TRAK1: variants seen among roughly 807,000 people sequenced by gnomAD.
TRAK1 encodes trafficking kinesin-binding protein 1.
TRAK1 carries 33 observed loss-of-function variants against 92.1 expected under a neutral mutation model. That is an observed-to-expected ratio of 0.36 (90% CI 0.27 to 0.48). The LOEUF is 0.48. Among genes scored for constraint, TRAK1 ranks in the 20% least tolerant of loss-of-function variants. The pLI is 0.99. For missense variants in TRAK1, 1,123 were observed against 1,257.9 expected, an observed-to-expected ratio of 0.89 and a Z score of 1.62; for synonymous variants, 521 against 517.3, an observed-to-expected ratio of 1.01 and a Z score of -0.10.
intron 2 of TRAK1, among the ~76,000 whole-genome samples, chr3:42,162,077 A>G (rs1701338006): frequency 6.6e-6 from 1 of 152,212 alleles, no homozygotes; most frequent in South Asian, 2.1e-4. Flanking sequence ...AGATGTCCAG[A>G]TGATGGGCAC....
chr3:42,096,277 G>A (rs935720008), intron 1 of TRAK1, among the ~76,000 whole-genome samples: 3 of 151,868 alleles, frequency 2.0e-5, no homozygotes, highest in African/African-American at 4.8e-5. Context: ...TTTTGAGATG[G>A]AGTCTTGCTC....
chr3:42,103,573 T>C (rs940124214), intron 1 of TRAK1, among the ~76,000 whole-genome samples: 1 of 152,226 alleles, frequency 6.6e-6, no homozygotes, highest in Admixed American at 6.5e-5. Context: ...GGGATCGTTC[T>C]TGAGTGGTCA....
At chr3:42,119,831 A>C (rs1231191061) in intron 1 of TRAK1, among the ~76,000 whole-genome samples, 1 of 152,190 alleles carries the variant, frequency 6.6e-6, no homozygotes, top group Non-Finnish European at 1.5e-5. Context: ...AAAAGGAAGA[A>C]GTGGCAATTG....
intron 1 of TRAK1, among the ~76,000 whole-genome samples, chr3:42,104,670 A>G (rs938447764): frequency 2.0e-5 from 3 of 152,220 alleles, no homozygotes; most frequent in African/African-American, 7.2e-5. Context: ...ACAGAAAGGA[A>G]TCCACACCAA....
chr3:42,098,131 G>A (rs1484286382), intron 1 of TRAK1, among the ~76,000 whole-genome samples: 1 of 148,952 alleles, frequency 6.7e-6, no homozygotes, highest in Non-Finnish European at 1.5e-5. Flanking sequence ...TCCCCTTGCT[G>A]TCTCCTTTCT....
chr3:42,036,998 TTATTA>T (rs1702351816), intron 1 of TRAK1, among the ~76,000 whole-genome samples: 1 of 152,240 alleles, frequency 6.6e-6, no homozygotes, highest in African/African-American at 2.4e-5. Context: ...TCATAATTTC[TTATTA>T]TTTTTTGTAG....
intron 2 of TRAK1, among the ~76,000 whole-genome samples, chr3:42,143,035 G>C (rs1402803727): frequency 6.6e-6 from 1 of 152,172 alleles, no homozygotes; most frequent in Non-Finnish European, 1.5e-5. Context: ...TCTACAAGGA[G>C]CCCTGTTAAG....
intron 1 of TRAK1, among the ~76,000 whole-genome samples, chr3:42,021,136 A>G (rs749901322): frequency 2.0e-5 from 3 of 152,170 alleles, no homozygotes; most frequent in Non-Finnish European, 4.4e-5. Context: ...AAAGGTGGGG[A>G]GGAGGAAAAT....
intron 2 of TRAK1, among the ~76,000 whole-genome samples, chr3:42,164,654 A>C (rs1004015423): frequency 6.6e-6 from 1 of 152,228 alleles, no homozygotes; most frequent in Admixed American, 6.5e-5. Context: ...ACCAGGCAGC[A>C]GGAGAGGGCT....
At chr3:42,055,817 A>G (rs996086273) in intron 1 of TRAK1, among the ~76,000 whole-genome samples, 1 of 152,156 alleles carries the variant, frequency 6.6e-6, no homozygotes, top group Admixed American at 6.5e-5. Flanking sequence ...CCCTGTATCC[A>G]TTAGCAGTTA....
chr3:42,206,685 C>T (rs1413232417), intron 13 of TRAK1, among the ~76,000 whole-genome samples: 1 of 152,222 alleles, frequency 6.6e-6, no homozygotes, highest in Non-Finnish European at 1.5e-5. Context: ...CATGGGTGTT[C>T]TTACATCCCA....
At chr3:42,117,813 T>A (rs1709354508) in intron 1 of TRAK1, among the ~76,000 whole-genome samples, 1 of 113,010 alleles carries the variant, frequency 8.8e-6, no homozygotes. Flanking sequence ...CATATCTGTA[T>A]TTCTTCTTTT....
intron 4 of TRAK1, among the ~76,000 whole-genome samples, chr3:42,185,377 T>G (rs1704641812): frequency 6.6e-6 from 1 of 152,210 alleles, no homozygotes; most frequent in South Asian, 2.1e-4. Context: ...AACCCTCTTA[T>G]TTCCATGATA....
intron 1 of TRAK1, among the ~76,000 whole-genome samples, chr3:42,043,615 TG>T (rs140206820): frequency 3.9e-3 from 527 of 135,932 alleles, no homozygotes; most frequent in South Asian, 0.014. Context: ...TCCATGGAGC[TG>T]GGGGGGGGGC....
At chr3:42,017,931 T>C (rs1185442908) in intron 1 of TRAK1, among the ~76,000 whole-genome samples, 1 of 152,074 alleles carries the variant, frequency 6.6e-6, no homozygotes, top group Non-Finnish European at 1.5e-5. Context: ...CTGTTTGGAC[T>C]TCCTTAAACA....
chr3:42,201,180 C>T (rs919910573), intron 12 of TRAK1, 126 bp downstream of exon 12: 32 of 1,062,412 alleles, frequency 3.0e-5, no homozygotes, highest in South Asian at 3.0e-4. Context: ...CAGACCTGGC[C>T]GGGCGTGGTG....
intron 1 of TRAK1, among the ~76,000 whole-genome samples, chr3:42,064,843 G>T (rs530004290): frequency 6.6e-6 from 1 of 152,170 alleles, no homozygotes; most frequent in South Asian, 2.1e-4. Flanking sequence ...ACGAGGTCAG[G>T]AGATCAAGAC....
chr3:42,221,618 C>G (rs754995446), intron 15 of TRAK1, among the ~76,000 whole-genome samples: 7 of 152,192 alleles, frequency 4.6e-5, no homozygotes, highest in Non-Finnish European at 1.0e-4. Flanking sequence ...GGAGAGAAGT[C>G]TCCATCCCCA....
intron 3 of TRAK1, among the ~76,000 whole-genome samples, chr3:42,184,476 T>G (rs764465333): frequency 6.6e-6 from 1 of 152,202 alleles, no homozygotes; most frequent in Non-Finnish European, 1.5e-5. Context: ...TTCCCTTTCC[T>G]TGTGTGATGT....
Sources: gnomAD v4.1 joint callset for allele counts (sites outside exome capture counted in the v4.1 genomes callset) on GRCh38, gnomAD v4.1.1 for gene constraint, MANE v1.5 for transcripts, NCBI Gene and HGNC (gene_info 2026-07-23, HGNC 2026-07-21) for gene names.